Variants in CSMD1 observed in about 807,000 individuals in gnomAD.
CSMD1 encodes the protein CUB and sushi domain-containing protein 1.
Under a neutral mutation model 417.5 loss-of-function variants are expected in CSMD1, and 213 were observed. The observed-to-expected ratio is 0.51, with a 90% confidence interval of 0.46 to 0.57. The LOEUF (loss-of-function observed/expected upper bound fraction) is 0.57. Ranked by LOEUF, CSMD1 falls within the 20% of genes least tolerant of loss-of-function variation. The pLI is 0.00. For synonymous variants in CSMD1, 2,862 were observed against 1,736.8 expected (o/e 1.65, Z -16.11); for missense variants, 6,923 against 4,529.7 (o/e 1.53, Z -15.17).
At chr8:3,252,434 CT>C (rs771207185) in intron 26 of CSMD1, among the ~76,000 whole-genome samples, 25 of 152,128 alleles carry the variant, frequency 1.6e-4, no homozygotes, top group Non-Finnish European at 3.1e-4. Context: ...GGTGGATAAG[CT>C]TTTTGATATA....
At position 4,562,269 on chromosome 8, in the gene CSMD1, C is replaced by T. The variant is rs548558799; in HGVS notation, c.302+75073G>A. Among the ~76,000 whole-genome samples the T allele has an allele frequency of 1.5e-3, 231 of 152,218 alleles. 1 individual carries two copies. The highest frequency in any genetic ancestry group is 1.8e-3 in the Non-Finnish European group (122 of 68,022). On this transcript the variant is annotated intron_variant, in intron 2 of 69. Transcript: ENST00000635120. The stretch of plus-strand genomic sequence containing the variant: ...CGGGAAATACACAGGCATCATTACG[C>T]GAGCAGAGAGAGGACAACCTGCTGG...
At chr8:3,029,203 T>C (rs1167438278) in intron 51 of CSMD1, 116 bp downstream of exon 51, 13 of 717,320 alleles carry the variant, frequency 1.8e-5, no homozygotes, top group Non-Finnish European at 2.1e-5. Context: ...TTTGTTCTTT[T>C]GATCTATAGG....
intron 2 of CSMD1, among the ~76,000 whole-genome samples, chr8:4,487,557 G>C (rs1801480988): frequency 6.6e-6 from 1 of 152,104 alleles, no homozygotes; most frequent in Non-Finnish European, 1.5e-5. Flanking sequence ...TCTTAATCCA[G>C]TCTATCATTG....
chr8:4,637,249 G>C lies in CSMD1; in HGVS notation c.302+93C>G, dbSNP rs532831907. 4.3e-6 allele frequency: 5 copies of C among 1,151,660 alleles called. No individual in the cohort carries two copies. The African/African-American group carries it at 6.1e-5, about 14-fold the overall frequency. 71.3% of individuals were successfully genotyped at this position (1,151,660 alleles called of 1,614,324 possible). ...GAACCCACCGGAAGGAACCAACTCC[G>C]GACACAATAATAAAATTTAAATATT... On this transcript the variant is annotated intron_variant, in intron 2 of 69. Transcript: ENST00000635120.
chr8:4,920,501 T>C (rs1031926450), intron 1 of CSMD1, among the ~76,000 whole-genome samples: 16 of 152,154 alleles, frequency 1.1e-4, no homozygotes, highest in Non-Finnish European at 2.1e-4. Flanking sequence ...ATCAAGGATT[T>C]AGTTACTGGG....
At chr8:3,741,425 G>C (rs963721424) in intron 6 of CSMD1, among the ~76,000 whole-genome samples, 1 of 152,056 alleles carries the variant, frequency 6.6e-6, no homozygotes, top group African/African-American at 2.4e-5. Flanking sequence ...AGCTTCTGAA[G>C]TTAATCATTT....
intron 2 of CSMD1, among the ~76,000 whole-genome samples, chr8:4,473,379 G>A (rs1401422641): frequency 1.3e-5 from 2 of 152,120 alleles, no homozygotes; most frequent in Non-Finnish European, 2.9e-5. Flanking sequence ...GAAAGTGGCT[G>A]GCTTACCCCA....
At chr8:4,853,180 G>C (rs189319994) in intron 1 of CSMD1, among the ~76,000 whole-genome samples, 1 of 152,152 alleles carries the variant, frequency 6.6e-6, no homozygotes. Context: ...GACTAAAAGG[G>C]ACCCAGGTGC....
chr8:3,292,501 C>G (rs541003457), intron 25 of CSMD1, among the ~76,000 whole-genome samples: 1 of 152,204 alleles, frequency 6.6e-6, no homozygotes, highest in Non-Finnish European at 1.5e-5. Flanking sequence ...CTTCAAGAAT[C>G]TGCGTGCTCC....
At chr8:3,471,111 T>G (rs1817068150) in intron 11 of CSMD1, among the ~76,000 whole-genome samples, 1 of 152,170 alleles carries the variant, frequency 6.6e-6, no homozygotes, top group South Asian at 2.1e-4. Flanking sequence ...CCCAGACTGT[T>G]TGTACATTCC....
intron 37 of CSMD1, among the ~76,000 whole-genome samples, chr8:3,180,237 G>C (rs1178994132): frequency 6.6e-6 from 1 of 152,186 alleles, no homozygotes; most frequent in African/African-American, 2.4e-5. Flanking sequence ...TCTGACCTTT[G>C]TCATTCCATT....
At chr8:4,256,175 T>G (rs992445108) in intron 3 of CSMD1, among the ~76,000 whole-genome samples, 3 of 152,182 alleles carry the variant, frequency 2.0e-5, no homozygotes, top group Non-Finnish European at 4.4e-5. Flanking sequence ...TTATGCCAAT[T>G]TCCACTTCAT....
At chr8:3,773,919 T>C (rs1384473438) in intron 5 of CSMD1, among the ~76,000 whole-genome samples, 1 of 152,136 alleles carries the variant, frequency 6.6e-6, no homozygotes, top group Non-Finnish European at 1.5e-5. Flanking sequence ...ACCTGTGAGG[T>C]TGAGTAATTT....
chr8:4,326,727 G>T (rs1017581975), intron 3 of CSMD1, among the ~76,000 whole-genome samples: 2 of 152,146 alleles, frequency 1.3e-5, no homozygotes, highest in Non-Finnish European at 2.9e-5. Flanking sequence ...ACCAAATGGG[G>T]ACTTGATGGA....
chr8:4,716,005 A>G (rs1236172948), intron 1 of CSMD1, among the ~76,000 whole-genome samples: 2 of 152,196 alleles, frequency 1.3e-5, no homozygotes, highest in Non-Finnish European at 2.9e-5. Flanking sequence ...AGTGGTCCAA[A>G]GAGCACAGGG....
chr8:2,992,961 G>A lies in CSMD1; in HGVS notation c.8377+5050C>T, dbSNP rs571532400. ...CTGCCCAGGCTGGTCTCAAACTCCT[G>A]GACTCAAGTGATCTCCCTGCCTCAG... is the stretch of plus-strand genomic sequence containing the variant. On this transcript the variant is annotated intron_variant, in intron 54 of 69. Coordinates refer to ENST00000635120, the MANE Select transcript of CSMD1 (RefSeq NM_033225.6). Among the ~76,000 whole-genome samples the A allele has an allele frequency of 6.6e-5, 10 of 151,404 alleles. No homozygotes were observed. In the South Asian group the frequency reaches 1.5e-3, roughly 22 times the overall value.
intron 5 of CSMD1, among the ~76,000 whole-genome samples, chr8:3,888,509 C>A (rs918926486): frequency 1.3e-5 from 2 of 152,188 alleles, no homozygotes; most frequent in African/African-American, 4.8e-5. Flanking sequence ...AAACACAAAG[C>A]GCTTTGCTGG....
At chr8:3,550,481 C>T (rs535836642) in intron 10 of CSMD1, among the ~76,000 whole-genome samples, 11 of 152,254 alleles carry the variant, frequency 7.2e-5, no homozygotes, top group East Asian at 1.9e-4. Flanking sequence ...CTGTGCATAT[C>T]GATGGGGTGC....
chr8:3,460,863 G>C (rs1816456630), intron 12 of CSMD1, among the ~76,000 whole-genome samples: 1 of 152,182 alleles, frequency 6.6e-6, no homozygotes, highest in African/African-American at 2.4e-5. Flanking sequence ...CAGGAAGCTT[G>C]TTCTAGAAGC....
Sources: allele counts gnomAD v4.1 joint callset (sites outside exome capture counted in the v4.1 genomes callset), GRCh38; gene constraint gnomAD v4.1.1; transcripts MANE v1.5; gene names NCBI Gene and HGNC (gene_info 2026-07-23, HGNC 2026-07-21).